Variants in PLPP2 observed in about 807,000 individuals in gnomAD.
PLPP2 encodes the protein phospholipid phosphatase 2, also known as PAP2-gamma.
A neutral mutation model predicts 35.2 loss-of-function variants in PLPP2; 29 were observed. The observed-to-expected ratio is 0.82, with a 90% CI of 0.61 to 1.12. The LOEUF is 1.12. PLPP2 is among the 50% of genes most tolerant of loss of function. The pLI, the probability that PLPP2 is intolerant of heterozygous loss-of-function variation, is 0.00. For synonymous variants in PLPP2, 162 were observed against 167.0 expected (o/e 0.97, Z 0.23); for missense variants, 353 against 375.2 (o/e 0.94, Z 0.49).
Position 287,545 on chromosome 19 carries a change from C to T in PLPP2, c.411G>A (p.Arg137=). ...GCTGCACATAGACCGAGCAGTTGAC[C>T]CGGCTCCAGTCGGGGTCGCAGACGG... ...FLAVCDPDWS[R]VNCSVYVQLE... is the part of the protein sequence containing the mutation. The change falls in exon 3 of 6, where the codon CGG becomes CGA. Residue 137 remains arginine, a synonymous_variant. Coordinates refer to ENST00000434325, the MANE Select transcript of PLPP2 (RefSeq NM_003712.4). This position sits in a 1 kb window ranked among gnomAD's most constrained non-coding sequence, Gnocchi z 4.3. 2 of 1,613,752 alleles carry T rather than the reference C, an allele frequency of 1.2e-6. No individual in the cohort carries two copies. The highest frequency in any genetic ancestry group is 1.7e-6 in the Non-Finnish European group (2 of 1,180,036).
chr19:287,903 C>G lies in PLPP2; in HGVS notation c.204+117G>C. The G allele has an allele frequency of 6.6e-7, 1 of 1,511,796 alleles. No homozygotes were observed. The highest frequency in any genetic ancestry group is 8.9e-7 in the Non-Finnish European group (1 of 1,119,344). 93.6% of individuals were successfully genotyped at this position (1,511,796 alleles called of 1,614,324 possible). A position where few individuals can be genotyped will look rare whatever the true frequency, so the allele number is the denominator to read the frequency against. Reference sequence around the variant, plus strand: ...TACCACTCAGGGCAAGGCTGTGTCCCCCGGCCCCACACAGACCTCCAGGGC... The same window carrying G: ...TACCACTCAGGGCAAGGCTGTGTCCGCCGGCCCCACACAGACCTCCAGGGC... On this transcript the variant is annotated intron_variant, in intron 2 of 5. Transcript: ENST00000434325. The surrounding 1 kb of genome is among the most constrained non-coding windows in gnomAD (Gnocchi z 4.3).
chr19:281,176 G>A lies in PLPP2; in HGVS notation c.*212C>T, dbSNP rs556019127. The A allele has an allele frequency of 6.3e-5, 26 of 414,440 alleles. No homozygotes were observed. The highest frequency in any genetic ancestry group is 4.5e-4 in the African/African-American group (22 of 49,140). 25.7% of individuals were successfully genotyped at this position (414,440 alleles called of 1,614,324 possible). A position where few individuals can be genotyped will look rare whatever the true frequency, so the allele number is the denominator to read the frequency against. On this transcript the variant is annotated 3_prime_UTR_variant, in exon 6 of 6. Coordinates refer to ENST00000434325, the MANE Select transcript of PLPP2 (RefSeq NM_003712.4). ...GGATATTTGGGGACCGACGGGAACA[G>A]GTTCCCCTCCAAATGCTGAGGGCTA...
intron 3 of PLPP2, chr19:284,875 G>C (rs919260673): frequency 1.3e-5 from 2 of 152,230 alleles, no homozygotes; most frequent in Non-Finnish European, 2.9e-5. Context: ...CCAGCACTTT[G>C]GGAGGCAGAG....
chr19:287,702 C>T lies in PLPP2; in HGVS notation c.254G>A (p.Arg85His), dbSNP rs776672136. 8 of 1,613,774 alleles carry T rather than the reference C, an allele frequency of 5.0e-6. No individual in the cohort carries two copies. Among genetic ancestry groups the T allele is most frequent in the East Asian group, 4.5e-5 (2 of 44,890 alleles). ...YLVYTDRLYS[R>H]SDFNNYVAAV... ...AGCCACGTAGTTGTTGAAGTCCGAG[C>T]GAGAATAGAGCCGGTCTGTGTACAC... Residue 85 changes from arginine to histidine, a missense_variant, in exon 3 of 6, where the codon CGC (arginine) becomes CAC (histidine). Physicochemically the swap from Arg to His is conservative, Grantham distance 29. Transcript: ENST00000434325. The surrounding 1 kb of genome is among the most constrained non-coding windows in gnomAD (Gnocchi z 4.3).
At chr19:289,109 G>A (rs555545276) in intron 1 of PLPP2, among the ~76,000 whole-genome samples, 1 of 152,334 alleles carries the variant, frequency 6.6e-6, no homozygotes, top group Admixed American at 6.5e-5. Flanking sequence ...CTGGGGCCCT[G>A]CTGAGCTGAG....
In PLPP2 at chr19:281,446, G is replaced by A. The variant is rs897132529; in HGVS notation, c.809C>T (p.Thr270Met). The A allele has an allele frequency of 2.6e-5, 41 of 1,556,586 alleles. No homozygotes were observed. The highest frequency in any genetic ancestry group is 1.7e-4 in the Middle Eastern group (1 of 5,834). Residue 270 changes from threonine to methionine, a missense_variant, in exon 6 of 6, where the codon ACG becomes ATG. Coordinates refer to ENST00000434325, the MANE Select transcript of PLPP2 (RefSeq NM_003712.4). ...GTGGTCAGCCTCGCCCAGGGTCAACGTCAGTGACAGGCTGGGCTTCCGTTC... is the reference window on the plus strand; with the variant it reads ...GTGGTCAGCCTCGCCCAGGGTCAACATCAGTGACAGGCTGGGCTTCCGTTC... ...ELERKPSLSLTLTLGEADHNH... is the reference protein window; with the variant it reads ...ELERKPSLSLMLTLGEADHNH...
intron 4 of PLPP2, 124 bp downstream of exon 4, chr19:282,628 A>T: frequency 1.9e-6 from 2 of 1,071,682 alleles, no homozygotes; most frequent in Non-Finnish European, 2.7e-6. Context: ...TTTATAAACA[A>T]ATCAGTTAGC....
rs1568202843 is a variant in PLPP2 at position 287,699 on chromosome 19, G to A, written c.257C>T (p.Ser86Leu). ...LVYTDRLYSRSDFNNYVAAVY... is the reference protein window; with the variant it reads ...LVYTDRLYSRLDFNNYVAAVY... ...AGCAGCCACGTAGTTGTTGAAGTCC[G>A]AGCGAGAATAGAGCCGGTCTGTGTA... Residue 86 changes from serine (S) to leucine (L), a missense_variant, in exon 3 of 6, where the codon TCG (serine) becomes TTG (leucine). Physicochemically the swap from Ser to Leu is moderately radical, Grantham distance 145. Transcript: ENST00000434325. This position sits in a 1 kb window ranked among gnomAD's most constrained non-coding sequence, Gnocchi z 4.3. The A allele has an allele frequency of 4.3e-6, 7 of 1,613,900 alleles. No homozygotes were observed. The highest frequency in any genetic ancestry group is 1.6e-4 in the Middle Eastern group (1 of 6,062).
intron 3 of PLPP2, chr19:286,806 A>T (rs934509049): frequency 5.9e-5 from 9 of 152,338 alleles, no homozygotes; most frequent in African/African-American, 1.9e-4. Flanking sequence ...TACCAAAAAA[A>T]AAATAAACAG....
chr19:283,101 T>C, intron 3 of PLPP2: 1 of 344,484 alleles, frequency 2.9e-6, no homozygotes, highest in East Asian at 4.7e-5. Flanking sequence ...ACAGTTTCAT[T>C]TTCACCATGT....
At position 281,674 on chromosome 19, in the gene PLPP2, G is replaced by C. The variant is rs918697492; in HGVS notation, c.718-137C>G. 10 of 818,778 alleles carry C rather than the reference G, an allele frequency of 1.2e-5. No individual in the cohort carries two copies. The African/African-American group carries it at 1.5e-4, about 13-fold the overall frequency. The allele number at this position is 818,778 out of a possible 1,614,324, so 50.7% of individuals were successfully genotyped here. On this transcript the variant is annotated intron_variant, in intron 5 of 5. Transcript: ENST00000434325. ...GTGGGAAATGAGAGGAGTAGTGCCT[G>C]GGGTGGGAAGAGAGCGCTCTTAGTG...
chr19:282,885 G>T, intron 3 of PLPP2, 76 bp from the exon 4 acceptor site: 1 of 1,390,672 alleles, frequency 7.2e-7, no homozygotes, highest in Non-Finnish European at 1.0e-6. Flanking sequence ...GCCCACAGAA[G>T]GGAGGGCTCG....
In PLPP2 at chr19:281,222, TG is replaced by T; in HGVS notation, c.*165del. 1 of 605,558 alleles carries T rather than the reference TG, an allele frequency of 1.7e-6. No individual in the cohort carries two copies. Among genetic ancestry groups the T allele is most frequent in the Non-Finnish European group, 2.4e-6 (1 of 414,384 alleles). 37.5% of individuals were successfully genotyped at this position (605,558 alleles called of 1,614,324 possible). On this transcript the variant is annotated 3_prime_UTR_variant, in exon 6 of 6. Transcript: ENST00000434325. ...GGCTACCCAGGCATCTCCAGACTCC[TG>T]GTCCAGTGCAGGGCAGGGGGCAGCG...
chr19:281,522 C>G lies in PLPP2; in HGVS notation c.733G>C (p.Asp245His). Residue 245 changes from aspartate (D) to histidine (H), a missense_variant, in exon 6 of 6, where the codon GAC becomes CAC. Transcript: ENST00000434325. ...TGTGGGGGTCGGGCTTTGAAGAAGTCTGAGATGTAGCAGACCTGGTAGAGC... is the reference window on the plus strand; with the variant it reads ...TGTGGGGGTCGGGCTTTGAAGAAGTGTGAGATGTAGCAGACCTGGTAGAGC... ...VAALTVCYIS[D>H]FFKARPPQHC... 6.6e-7 allele frequency: 1 copy of G among 1,508,596 alleles called. No individual in the cohort carries two copies. Among genetic ancestry groups the G allele is most frequent in the Non-Finnish European group, 8.9e-7 (1 of 1,126,996 alleles). 93.5% of individuals were successfully genotyped at this position (1,508,596 alleles called of 1,614,324 possible). A position where few individuals can be genotyped will look rare whatever the true frequency, so the allele number is the denominator to read the frequency against.
In PLPP2 at chr19:290,805, T is replaced by G. The variant is rs532719090; in HGVS notation, c.52+480A>C. ...CTGGGCCTCCCCGCACGTGCACGGG[T>G]TCGAATCCCGCCGACGCACCGGGTG... On this transcript the variant is annotated intron_variant, in intron 1 of 5. Transcript: ENST00000434325. The G allele has an allele frequency of 9.7e-4, 637 of 655,920 alleles. 5 individuals carry two copies. In the African/African-American group the frequency reaches 0.011, roughly 11 times the overall value. The allele number at this position is 655,920 out of a possible 1,614,324, so 40.6% of individuals were successfully genotyped here.
Position 291,282 on chromosome 19 carries a change from T to C in PLPP2, c.52+3A>G. ...CCAACACCCGGGTCCCCAAGGCTCT[T>C]ACCGACCAGTAAGCACAGCACGTCG... On this transcript the variant is annotated splice_donor_region_variant and intron_variant, in intron 1 of 5. Transcript: ENST00000434325. The C allele has an allele frequency of 6.2e-7, 1 of 1,600,618 alleles. No homozygotes were observed. Among genetic ancestry groups the C allele is most frequent in the Non-Finnish European group, 8.5e-7 (1 of 1,174,748 alleles).
chr19:283,104 C>T (rs1265476012), intron 3 of PLPP2: 1 of 343,594 alleles, frequency 2.9e-6, no homozygotes, highest in Non-Finnish European at 5.2e-6. Context: ...GTTTCATTTT[C>T]ACCATGTTTC....
At chr19:290,666 C>T (rs909161020) in intron 1 of PLPP2, among the ~76,000 whole-genome samples, 6 of 152,248 alleles carry the variant, frequency 3.9e-5, no homozygotes, top group African/African-American at 1.4e-4. Context: ...GCCCGCAAAC[C>T]CGCCGGACAG....
Position 281,387 on chromosome 19 carries a change from C to CT in PLPP2, c.867dup, listed in dbSNP as rs1345220737. 1.4e-6 allele frequency: 2 copies of CT among 1,399,158 alleles called. No homozygotes were observed. Among genetic ancestry groups the CT allele is most frequent in the African/African-American group, 3.0e-5 (2 of 67,564 alleles). The allele number at this position is 1,399,158 out of a possible 1,614,324, so 86.7% of individuals were successfully genotyped here. On this transcript the variant is annotated 3_prime_UTR_variant, in exon 6 of 6. Coordinates refer to ENST00000434325, the MANE Select transcript of PLPP2 (RefSeq NM_003712.4). ...GCTCCCTGCCTGGGCGGGGTCCGGC[C>CT]TCAGGAGGAGGAGTGCGGGTATCCA...
Sources: gnomAD v4.1 joint callset for allele counts (sites outside exome capture counted in the v4.1 genomes callset) on GRCh38, gnomAD v4.1.1 for gene constraint, Gnocchi (gnomAD v3.1) non-coding constraint, MANE v1.5 for transcripts, NCBI Gene and HGNC (gene_info 2026-07-23, HGNC 2026-07-21) for gene names.